Variants in BANK1 observed in about 807,000 individuals in gnomAD.
BANK1 encodes B cell scaffold protein with ankyrin repeats 1.
Under a neutral mutation model 94.5 loss-of-function variants are expected in BANK1, and 95 were observed. The observed-to-expected ratio is 1.00, with a 90% CI of 0.85 to 1.19. BANK1 has a LOEUF of 1.19. Among genes scored for constraint, BANK1 ranks in the 50% most tolerant of loss-of-function variants. BANK1 has a pLI of 0.00. For synonymous variants in BANK1, 334 were observed against 308.4 expected, an observed-to-expected ratio of 1.08 and a Z score of -0.87; for missense variants, 987 against 932.2, an observed-to-expected ratio of 1.06 and a Z score of -0.77.
rs1432221989 is a variant in BANK1, at chr4:101,912,718, C to G, written c.1010-5275C>G. 3.3e-5 allele frequency among the ~76,000 whole-genome samples: 5 copies of G among 151,008 alleles called. No homozygotes were observed. In the East Asian group the frequency reaches 9.7e-4, roughly 29 times the overall value. On this transcript the variant is annotated intron_variant, in intron 6 of 16. Coordinates refer to ENST00000322953, the MANE Select transcript of BANK1 (RefSeq NM_017935.5). ...GCACTTAGGGGTTTCCCTAATCATT[C>G]TCATATTCCATTTTCATTTTGTCCC...
chr4:102,000,982 C>T (rs1393153047), intron 7 of BANK1, among the ~76,000 whole-genome samples: 1 of 152,108 alleles, frequency 6.6e-6, no homozygotes. Flanking sequence ...AAACTAAGCT[C>T]TAAATGATCT....
intron 5 of BANK1, among the ~76,000 whole-genome samples, chr4:101,893,320 C>T (rs186793910): frequency 6.6e-6 from 1 of 151,888 alleles, no homozygotes. Flanking sequence ...TGGAAGGAAT[C>T]CCAGAAGCTA....
intron 9 of BANK1, among the ~76,000 whole-genome samples, chr4:102,029,045 G>A (rs72686788): frequency 0.013 from 1,974 of 152,160 alleles, 21 homozygotes; most frequent in Middle Eastern, 0.034. Flanking sequence ...TTCTGGAGTA[G>A]CTAGGAGTAC....
At chr4:102,050,652 C>T (rs1267039650) in intron 11 of BANK1, among the ~76,000 whole-genome samples, 1 of 152,076 alleles carries the variant, frequency 6.6e-6, no homozygotes, top group Non-Finnish European at 1.5e-5. Flanking sequence ...TTCAAATTTC[C>T]AACCACTCCC....
intron 1 of BANK1, among the ~76,000 whole-genome samples, chr4:101,801,424 C>G (rs1725352978): frequency 6.6e-6 from 1 of 152,126 alleles, no homozygotes; most frequent in South Asian, 2.1e-4. Context: ...GATAGCAATG[C>G]ACTCAGCTTT....
At chr4:102,070,056 T>G (rs1728710344) in intron 13 of BANK1, among the ~76,000 whole-genome samples, 1 of 152,124 alleles carries the variant, frequency 6.6e-6, no homozygotes, top group African/African-American at 2.4e-5. Flanking sequence ...TCTTGTCTCC[T>G]CAGAAGAAAG....
intron 4 of BANK1, among the ~76,000 whole-genome samples, chr4:101,868,626 A>C (rs111655452): frequency 0.018 from 2,727 of 152,086 alleles, 31 homozygotes; most frequent in Non-Finnish European, 0.025. Flanking sequence ...GGTAAACAGC[A>C]ACATTTAATT....
Position 101,976,406 on chromosome 4 carries a change from A to G in BANK1, c.1207-45108A>G, listed in dbSNP as rs1041252493. Among the ~76,000 whole-genome samples the G allele has an allele frequency of 3.3e-5, 5 of 152,158 alleles. No homozygotes were observed. The South Asian group carries it at 8.3e-4, about 25-fold the overall frequency. On this transcript the variant is annotated intron_variant, in intron 7 of 16. Transcript: ENST00000322953. The stretch of plus-strand genomic sequence containing the variant: ...CTGGCAAAGAATACACAAAAATAAT[A>G]CACAAAAAGATGGCTGAAGAGATTT...
chr4:102,028,513 TCTG>T (rs1407367718), intron 9 of BANK1, among the ~76,000 whole-genome samples: 12 of 152,216 alleles, frequency 7.9e-5, no homozygotes, highest in Admixed American at 7.9e-4. Flanking sequence ...TTTATTCTGC[TCTG>T]CTACTTGTCT....
chr4:102,042,558 T>G (rs1399864935), intron 10 of BANK1, among the ~76,000 whole-genome samples: 2 of 152,000 alleles, frequency 1.3e-5, no homozygotes, highest in Non-Finnish European at 2.9e-5. Flanking sequence ...GGGGGAAATT[T>G]TCATCTAAAA....
chr4:102,006,579 G>A (rs1726267280), intron 7 of BANK1, among the ~76,000 whole-genome samples: 1 of 151,862 alleles, frequency 6.6e-6, no homozygotes, highest in Non-Finnish European at 1.5e-5. Flanking sequence ...TAAGTGATTG[G>A]AAACCTTACA....
At chr4:101,933,351 G>A (rs894257037) in intron 7 of BANK1, among the ~76,000 whole-genome samples, 6 of 150,558 alleles carry the variant, frequency 4.0e-5, no homozygotes, top group Middle Eastern at 6.9e-3. Flanking sequence ...AGCATTCACT[G>A]GCAGTAATTT....
chr4:101,946,589 A>C (rs1477448337), intron 7 of BANK1, among the ~76,000 whole-genome samples: 3 of 151,976 alleles, frequency 2.0e-5, no homozygotes, highest in African/African-American at 7.2e-5. Flanking sequence ...AGGAACATGA[A>C]GGATTTGAAA....
At chr4:101,852,110 T>C (rs191785989) in intron 2 of BANK1, among the ~76,000 whole-genome samples, 50 of 152,224 alleles carry the variant, frequency 3.3e-4, no homozygotes, top group Non-Finnish European at 7.1e-4. Context: ...GATTAACTTT[T>C]ATCTTTGAGA....
intron 7 of BANK1, among the ~76,000 whole-genome samples, chr4:101,980,848 A>G (rs1466552159): frequency 6.6e-6 from 1 of 151,938 alleles, no homozygotes; most frequent in Admixed American, 6.6e-5. Context: ...ATTTGTTGCT[A>G]TCATGAATTG....
intron 11 of BANK1, among the ~76,000 whole-genome samples, chr4:102,057,320 T>TTCTC (rs377557916): frequency 6.8e-6 from 1 of 146,016 alleles, no homozygotes; most frequent in Non-Finnish European, 1.5e-5. Context: ...GTTTCTCTAT[T>TTCTC]TCTCTCTCTC....
intron 6 of BANK1, among the ~76,000 whole-genome samples, chr4:101,907,441 C>T (rs1722492522): frequency 6.6e-6 from 1 of 152,142 alleles, no homozygotes; most frequent in South Asian, 2.1e-4. Flanking sequence ...GACCCACAGC[C>T]AATATCATAC....
intron 7 of BANK1, among the ~76,000 whole-genome samples, chr4:101,958,712 A>G (rs1724457452): frequency 6.6e-6 from 1 of 152,186 alleles, no homozygotes; most frequent in Non-Finnish European, 1.5e-5. Flanking sequence ...GCAGGATCCC[A>G]TGCAATTGTG....
chr4:101,970,397 A>G (rs1724914266), intron 7 of BANK1, among the ~76,000 whole-genome samples: 1 of 152,176 alleles, frequency 6.6e-6, no homozygotes, highest in Admixed American at 6.6e-5. Flanking sequence ...AAGAATCAGA[A>G]GTGGGAAAGT....
Sources: allele counts gnomAD v4.1 joint callset (sites outside exome capture counted in the v4.1 genomes callset), GRCh38; gene constraint gnomAD v4.1.1; transcripts MANE v1.5; gene names NCBI Gene and HGNC (gene_info 2026-07-23, HGNC 2026-07-21).